NXPE2: variants seen among roughly 807,000 people sequenced by gnomAD.
NXPE2 encodes the protein NXPE family member 2.
A neutral mutation model predicts 34.4 loss-of-function variants in NXPE2; 34 were observed. The ratio of observed to expected loss-of-function variants is 0.99; its 90% CI spans 0.75 to 1.31. The LOEUF (loss-of-function observed/expected upper bound fraction) is 1.31. NXPE2 is among the 40% of genes most tolerant of loss of function. NXPE2 has a pLI of 0.00. For synonymous variants in NXPE2, 235 were observed against 231.3 expected (o/e 1.02, Z -0.15); for missense variants, 649 against 672.5 (o/e 0.97, Z 0.39).
chr11:114,618,374 G>T, the NXPE2 span, among the ~76,000 whole-genome samples: 6 of 151,882 alleles, frequency 4.0e-5, no homozygotes, highest in Non-Finnish European at 5.9e-5. Context: ...TGCCTCATGG[G>T]TAGTCACTGT....
At chr11:114,719,248 C>T in the NXPE2 span, among the ~76,000 whole-genome samples, 1 of 152,104 alleles carries the variant, frequency 6.6e-6, no homozygotes, top group Non-Finnish European at 1.5e-5. Flanking sequence ...TTCCTTTTAC[C>T]TCCCTCCCAA....
At chr11:114,759,588 C>A in the NXPE2 span, among the ~76,000 whole-genome samples, 1 of 152,084 alleles carries the variant, frequency 6.6e-6, no homozygotes, top group African/African-American at 2.4e-5. Flanking sequence ...AACTTTCTCC[C>A]AGTTATGTAG....
chr11:114,808,679 C>A, the NXPE2 span, among the ~76,000 whole-genome samples: 6 of 151,276 alleles, frequency 4.0e-5, no homozygotes, highest in African/African-American at 7.3e-5. Context: ...CAATAACAGG[C>A]TCTGAAATTG....
chr11:114,706,709 C>T lies in NXPE2; in HGVS notation c.1459C>T (p.Leu487Phe), dbSNP rs749594361. 3.9e-6 allele frequency: 6 copies of T among 1,552,206 alleles called. No individual in the cohort carries two copies. In the South Asian group the frequency reaches 4.8e-5, roughly 12 times the overall value. ...GCGAAGCCCGGAGACCAAGGTGATA[C>T]TTAAAACTGAAAACACCAGAGAGAT... ...FLRSPETKVI[L>F]KTENTREIEQ... The change falls in exon 6 of 6, where the codon CTT becomes TTT. Residue 487 changes from leucine to phenylalanine, a missense_variant. Transcript: ENST00000389586.
the NXPE2 span, among the ~76,000 whole-genome samples, chr11:114,775,643 G>T: frequency 3.3e-5 from 5 of 152,176 alleles, no homozygotes; most frequent in African/African-American, 1.2e-4. Context: ...GCAAGCATCT[G>T]AAACAAACTG....
At chr11:114,785,202 A>ATTACACTCAATGCTGAAC in the NXPE2 span, among the ~76,000 whole-genome samples, 1 of 152,062 alleles carries the variant, frequency 6.6e-6, no homozygotes, top group African/African-American at 2.4e-5. Context: ...GCCCAGTGAA[A>ATTACACTCAATGCTGAAC]TTACACTCAA....
chr11:114,791,100 C>T, the NXPE2 span, among the ~76,000 whole-genome samples: 116,868 of 151,626 alleles, frequency 0.77, 46,842 homozygotes, highest in Non-Finnish European at 0.88. Context: ...TGAGTGACAG[C>T]GAAGACACCT....
the NXPE2 span, among the ~76,000 whole-genome samples, chr11:114,618,752 G>A: frequency 2.6e-5 from 4 of 152,158 alleles, no homozygotes; most frequent in East Asian, 1.9e-4. Flanking sequence ...TATCTCGTGC[G>A]TAGCCACTGT....
chr11:114,519,883 T>C, the NXPE2 span, among the ~76,000 whole-genome samples: 2 of 151,994 alleles, frequency 1.3e-5, no homozygotes, highest in Non-Finnish European at 2.9e-5. Context: ...ACTGCACAAT[T>C]ACCTTTTGTT....
At chr11:114,720,310 C>G in the NXPE2 span, among the ~76,000 whole-genome samples, 1 of 152,294 alleles carries the variant, frequency 6.6e-6, no homozygotes, top group African/African-American at 2.4e-5. Context: ...AGGGGAAGAC[C>G]GACTACAGGG....
the NXPE2 span, among the ~76,000 whole-genome samples, chr11:114,515,821 G>T: frequency 9.6e-6 from 1 of 103,986 alleles, no homozygotes; most frequent in Non-Finnish European, 1.9e-5. Flanking sequence ...CCTCAAAGTG[G>T]GTTGTCAAAA....
chr11:114,711,942 C>A (rs1300308880), downstream of NXPE2, among the ~76,000 whole-genome samples: 1 of 152,060 alleles, frequency 6.6e-6, no homozygotes, highest in East Asian at 1.9e-4. Flanking sequence ...CAGAAATAAA[C>A]CCTGGCATAT....
chr11:114,582,877 G>C, the NXPE2 span: 1 of 1,614,170 alleles, frequency 6.2e-7, no homozygotes, highest in Non-Finnish European at 8.5e-7. Context: ...GGGATCTGCT[G>C]ATCTAGTTTC....
At chr11:114,464,436 G>A in the NXPE2 span, among the ~76,000 whole-genome samples, 1 of 152,058 alleles carries the variant, frequency 6.6e-6, no homozygotes, top group East Asian at 1.9e-4. Context: ...ATTATAATGG[G>A]TTTATTGTGG....
At chr11:114,717,745 A>G in the NXPE2 span, among the ~76,000 whole-genome samples, 1 of 152,150 alleles carries the variant, frequency 6.6e-6, no homozygotes, top group Non-Finnish European at 1.5e-5. Context: ...GAGGTTTCTC[A>G]TTCCCTCCTC....
the NXPE2 span, among the ~76,000 whole-genome samples, chr11:114,626,331 G>A: frequency 2.6e-5 from 4 of 152,346 alleles, no homozygotes; most frequent in East Asian, 7.7e-4. Flanking sequence ...GGAGATCTGA[G>A]AATGGGCAGA....
the NXPE2 span, among the ~76,000 whole-genome samples, chr11:114,649,960 A>G: frequency 2.6e-5 from 4 of 152,214 alleles, no homozygotes; most frequent in Non-Finnish European, 5.9e-5. Context: ...GATGAATTAT[A>G]TTATATGTAA....
the NXPE2 span, among the ~76,000 whole-genome samples, chr11:114,484,077 C>T: frequency 1.3e-5 from 2 of 152,076 alleles, no homozygotes; most frequent in Non-Finnish European, 2.9e-5. Context: ...GAAAGTTCTC[C>T]GTCATGTCTT....
the NXPE2 span, chr11:114,551,050 C>A: frequency 1.0e-6 from 1 of 991,076 alleles, no homozygotes; most frequent in Non-Finnish European, 1.5e-6. Flanking sequence ...TGAGGCACGT[C>A]ACACAGGTGA....
Sources: gnomAD v4.1 joint callset for allele counts (sites outside exome capture counted in the v4.1 genomes callset) on GRCh38, gnomAD v4.1.1 for gene constraint, MANE v1.5 for transcripts, NCBI Gene and HGNC (gene_info 2026-07-23, HGNC 2026-07-21) for gene names.